Variants in TTC28 observed in about 807,000 individuals in gnomAD.
TTC28 encodes the protein tetratricopeptide repeat domain 28, also known as tetratricopeptide repeat protein 28.
A neutral mutation model predicts 198.0 loss-of-function variants in TTC28; 61 were observed. The ratio of observed to expected loss-of-function variants is 0.31; its 90% CI spans 0.25 to 0.38. The LOEUF (loss-of-function observed/expected upper bound fraction) is 0.38, where lower values mean the gene tolerates loss of function less well. Ranked by LOEUF, TTC28 falls within the 10% of genes least tolerant of loss-of-function variation. The probability of loss-of-function intolerance (pLI) is 1.00; values close to 1 mark genes in which losing one functional copy is unlikely to be tolerated. For missense variants in TTC28, 2,678 were observed against 3,164.0 expected, an observed-to-expected ratio of 0.85 and a Z score of 3.69; for synonymous variants, 1,171 against 1,297.8, an observed-to-expected ratio of 0.90 and a Z score of 2.10.
intron 2 of TTC28, among the ~76,000 whole-genome samples, chr22:28,514,125 A>G (rs1210938637): frequency 6.6e-6 from 1 of 152,184 alleles, no homozygotes; most frequent in African/African-American, 2.4e-5. Flanking sequence ...ATCTCCATGT[A>G]TTCTTCTACT....
chr22:28,537,097 T>A (rs1328806453), intron 2 of TTC28, among the ~76,000 whole-genome samples: 2 of 151,456 alleles, frequency 1.3e-5, no homozygotes, highest in Non-Finnish European at 1.5e-5. Context: ...ATCGAGACCA[T>A]CCTGGCTAAC....
In TTC28 at chr22:27,980,916, C is replaced by G. The variant is rs1936989237; in HGVS notation, c.*1305G>C. The G allele has an allele frequency of 6.6e-6, 1 of 152,218 alleles. No individual in the cohort carries two copies. The highest frequency in any genetic ancestry group is 1.5e-5 in the Non-Finnish European group (1 of 68,062). 9.4% of individuals were successfully genotyped at this position (152,218 alleles called of 1,614,324 possible). Reference sequence around the variant, plus strand: ...CTTTTTAAGATACATCTCTCTCTTCCCGGTTGGCCATAATCCAGGCATACG... The same window carrying G: ...CTTTTTAAGATACATCTCTCTCTTCGCGGTTGGCCATAATCCAGGCATACG... On this transcript the variant is annotated 3_prime_UTR_variant, in exon 23 of 23. Transcript: ENST00000397906.
intron 5 of TTC28, among the ~76,000 whole-genome samples, chr22:28,287,338 C>T (rs2044704499): frequency 1.3e-5 from 2 of 152,044 alleles, no homozygotes; most frequent in Non-Finnish European, 1.5e-5. Context: ...AAGTTAATTC[C>T]AAGTGGCAGT....
At chr22:28,211,992 A>G (rs1927011132) in intron 5 of TTC28, among the ~76,000 whole-genome samples, 1 of 152,192 alleles carries the variant, frequency 6.6e-6, no homozygotes, top group Admixed American at 6.5e-5. Flanking sequence ...CCGCTCAACT[A>G]TATGGAAACT....
intron 1 of TTC28, among the ~76,000 whole-genome samples, chr22:28,659,018 A>G (rs2051702392): frequency 6.6e-6 from 1 of 152,012 alleles, no homozygotes; most frequent in South Asian, 2.1e-4. Context: ...AAAACAATTG[A>G]AGAAAAAAAG....
In TTC28 at chr22:28,309,328, G is replaced by A. The variant is rs528550692; in HGVS notation, c.382-2685C>T. Among the ~76,000 whole-genome samples the A allele has an allele frequency of 6.6e-5, 10 of 152,250 alleles. No homozygotes were observed. The East Asian group carries it at 1.9e-3, about 29-fold the overall frequency. ...TTTCTCTTGTTCCATAAAAGACTAT[G>A]AGCAATCAAGAAACTATATAATTGA... On this transcript the variant is annotated intron_variant, in intron 2 of 22. Coordinates refer to ENST00000397906, the MANE Select transcript of TTC28 (RefSeq NM_001145418.2).
intron 5 of TTC28, among the ~76,000 whole-genome samples, chr22:28,177,697 G>A (rs186832581): frequency 2.5e-4 from 38 of 152,308 alleles, no homozygotes; most frequent in East Asian, 1.9e-4. Context: ...CTATCAAGCT[G>A]TGAAAAGACA....
At chr22:28,347,072 G>A (rs1449949011) in intron 2 of TTC28, among the ~76,000 whole-genome samples, 2 of 151,992 alleles carry the variant, frequency 1.3e-5, no homozygotes, top group Non-Finnish European at 2.9e-5. Context: ...AGATCAGCCT[G>A]GCCAACATGG....
At chr22:28,033,241 C>T (rs370225714) in intron 12 of TTC28, among the ~76,000 whole-genome samples, 4 of 152,044 alleles carry the variant, frequency 2.6e-5, no homozygotes, top group African/African-American at 4.8e-5. Context: ...GTATTAACAC[C>T]GAAGGGAACA....
At chr22:28,340,929 G>T (rs1046453420) in intron 2 of TTC28, among the ~76,000 whole-genome samples, 1 of 152,176 alleles carries the variant, frequency 6.6e-6, no homozygotes, top group Non-Finnish European at 1.5e-5. Context: ...CACATTGGTT[G>T]TTGCTCAGAT....
intron 2 of TTC28, among the ~76,000 whole-genome samples, chr22:28,580,884 C>A (rs2050224174): frequency 6.6e-6 from 1 of 152,126 alleles, no homozygotes. Context: ...AAACTATATC[C>A]TTTGAGACTA....
intron 5 of TTC28, among the ~76,000 whole-genome samples, chr22:28,216,656 A>G (rs1927428010): frequency 6.6e-6 from 1 of 152,198 alleles, no homozygotes; most frequent in Admixed American, 6.5e-5. Context: ...AGGTGCAGCA[A>G]TATCATAGTC....
rs146828022 is a variant in TTC28, at chr22:28,448,932, T to C, written c.382-142289A>G. On this transcript the variant is annotated intron_variant, in intron 2 of 22. Transcript: ENST00000397906. ...ACTCATTATGTACAAGGGAGTGCTG[T>C]AGACACTGTGAGAAAACAAAAATGA... Among the ~76,000 whole-genome samples the C allele has an allele frequency of 2.0e-3, 312 of 152,294 alleles. 1 individual carries two copies. Among genetic ancestry groups the C allele is most frequent in the African/African-American group, 6.0e-3 (250 of 41,556 alleles).
chr22:28,251,860 T>C (rs1450341724), intron 5 of TTC28, among the ~76,000 whole-genome samples: 1 of 152,118 alleles, frequency 6.6e-6, no homozygotes, highest in Non-Finnish European at 1.5e-5. Context: ...TTCCATGTGA[T>C]TAAAAACAAA....
At chr22:28,022,990 G>A in intron 13 of TTC28, among the ~76,000 whole-genome samples, 1 of 152,190 alleles carries the variant, frequency 6.6e-6, no homozygotes. Flanking sequence ...CCATGTGCCT[G>A]GCTGCTCTTC....
chr22:28,016,127 G>A (rs1412064492), intron 13 of TTC28, among the ~76,000 whole-genome samples: 1 of 152,128 alleles, frequency 6.6e-6, no homozygotes, highest in East Asian at 1.9e-4. Flanking sequence ...GAGAAAAGCA[G>A]AGCAGCAGGA....
chr22:27,995,281 G>A (rs1443937667), intron 17 of TTC28, among the ~76,000 whole-genome samples: 1 of 152,170 alleles, frequency 6.6e-6, no homozygotes, highest in East Asian at 1.9e-4. Context: ...GAGGCCCTGG[G>A]GTCCGTGGCA....
At chr22:28,656,959 T>C (rs2051668016) in intron 1 of TTC28, among the ~76,000 whole-genome samples, 1 of 152,290 alleles carries the variant, frequency 6.6e-6, no homozygotes. Flanking sequence ...CCTTACTTCA[T>C]GCCCAGAACT....
intron 2 of TTC28, among the ~76,000 whole-genome samples, chr22:28,432,287 A>C (rs1263765708): frequency 6.6e-6 from 1 of 151,312 alleles, no homozygotes; most frequent in Non-Finnish European, 1.5e-5. Flanking sequence ...CTCTGTCTCA[A>C]AATAAATAAA....
Sources: allele counts gnomAD v4.1 joint callset (sites outside exome capture counted in the v4.1 genomes callset), GRCh38; gene constraint gnomAD v4.1.1; transcripts MANE v1.5; gene names NCBI Gene and HGNC (gene_info 2026-07-23, HGNC 2026-07-21).